The following PAX9 variants were observed in gnomAD, a reference collection of about 807,000 sequenced individuals.
PAX9 encodes paired box protein Pax-9.
A neutral mutation model predicts 29.1 loss-of-function variants in PAX9; 6 were observed. That is an observed-to-expected ratio of 0.21 (90% CI 0.11 to 0.41). PAX9 has a LOEUF of 0.41. PAX9 is among the 10% of genes least tolerant of loss of function. The pLI, the probability that PAX9 is intolerant of heterozygous loss-of-function variation, is 1.00. For missense variants in PAX9, 443 were observed against 479.1 expected, an observed-to-expected ratio of 0.92 and a Z score of 0.70; for synonymous variants, 217 against 211.7, an observed-to-expected ratio of 1.03 and a Z score of -0.22.
At chr14:36,672,834 T>C (rs1011761284) in intron 3 of PAX9, among the ~76,000 whole-genome samples, 3 of 142,488 alleles carry the variant, frequency 2.1e-5, no homozygotes, top group African/African-American at 7.6e-5. Context: ...TTTTTCTTTT[T>C]TCTTTCTTTC....
Position 36,663,284 on chromosome 14 carries a change from T to C in PAX9, c.392T>C (p.Ile131Thr). 6.2e-7 allele frequency: 1 copy of C among 1,614,128 alleles called. No homozygotes were observed. The highest frequency in any genetic ancestry group is 8.5e-7 in the Non-Finnish European group (1 of 1,180,034). ...ATCAGCCGCATTCTGCGCAACAAGATCGGCAACTTGGCCCAGCAGGGTCAT... is the reference window on the plus strand; with the variant it reads ...ATCAGCCGCATTCTGCGCAACAAGACCGGCAACTTGGCCCAGCAGGGTCAT... ...SSISRILRNKIGNLAQQGHYD... is the reference protein window; with the variant it reads ...SSISRILRNKTGNLAQQGHYD... Residue 131 changes from isoleucine (I) to threonine (T), a missense_variant, in exon 2 of 4, where the codon ATC (isoleucine) becomes ACC (threonine). This residue lies in a region of PAX9 where 336 missense variants were observed against 317.2 expected (regional missense o/e 1.06). Coordinates refer to ENST00000361487, the MANE Select transcript of PAX9 (RefSeq NM_001372076.1).
At chr14:36,668,157 T>C (rs1338941097) in intron 3 of PAX9, among the ~76,000 whole-genome samples, 2 of 152,166 alleles carry the variant, frequency 1.3e-5, no homozygotes, top group Non-Finnish European at 2.9e-5. Context: ...TGAGAGACCA[T>C]AGTCAAAAAG....
In PAX9 at chr14:36,678,279, A is replaced by G; in HGVS notation, c.*1827A>G. The stretch of plus-strand genomic sequence containing the variant: ...TAAGCAGATTTCTGACACACAAATT[A>G]TGTTAGAGTGACTGCTTTTTTCAGA... On this transcript the variant is annotated 3_prime_UTR_variant, in exon 4 of 4. Transcript: ENST00000361487. The G allele has an allele frequency of 1.7e-6, 1 of 582,242 alleles. No homozygotes were observed. 36.1% of individuals were successfully genotyped at this position (582,242 alleles called of 1,614,324 possible). A position where few individuals can be genotyped will look rare whatever the true frequency, so the allele number is the denominator to read the frequency against.
intron 3 of PAX9, among the ~76,000 whole-genome samples, chr14:36,674,534 G>T (rs1177046517): frequency 1.3e-5 from 2 of 152,188 alleles, no homozygotes; most frequent in Non-Finnish European, 1.5e-5. Flanking sequence ...AAAAAATGCA[G>T]CAGCATCATT....
At position 36,669,210 on chromosome 14, in the gene PAX9, T is replaced by C. The variant is rs564670240; in HGVS notation, c.771+2609T>C. On this transcript the variant is annotated intron_variant, in intron 3 of 3. Coordinates refer to ENST00000361487, the MANE Select transcript of PAX9 (RefSeq NM_001372076.1). Reference sequence around the variant, plus strand: ...CTGAGCAGTTTTGAACTTTAGACATTGATTTCATGTAAGGTTAAATTGCAC... The same window carrying C: ...CTGAGCAGTTTTGAACTTTAGACATCGATTTCATGTAAGGTTAAATTGCAC... Among the ~76,000 whole-genome samples, 5 of 152,224 alleles carry C rather than the reference T, an allele frequency of 3.3e-5. No homozygotes were observed. In the East Asian group the frequency reaches 9.6e-4, roughly 29 times the overall value.
At chr14:36,662,696 G>A in intron 1 of PAX9, 3 of 638,750 alleles carry the variant, frequency 4.7e-6, no homozygotes, top group South Asian at 2.1e-5. Flanking sequence ...CGGCAGGAAT[G>A]AGGGAGGGGG....
Position 36,663,293 on chromosome 14 carries a change from T to C in PAX9, c.401T>C (p.Leu134Ser). Residue 134 changes from leucine (L) to serine (S), a missense_variant, in exon 2 of 4, where the codon TTG becomes TCG. By Grantham distance (145) the Leu-to-Ser change is moderately radical (BLOSUM62 -2). Transcript: ENST00000361487. ...ATTCTGCGCAACAAGATCGGCAACT[T>C]GGCCCAGCAGGGTCATTACGACTCA... The part of the protein sequence containing the change: ...SRILRNKIGN[L>S]AQQGHYDSYK... 6.2e-7 allele frequency: 1 copy of C among 1,614,138 alleles called. No homozygotes were observed.
At chr14:36,658,375 G>GC (rs59646911), upstream of PAX9, among the ~76,000 whole-genome samples, 2 of 133,828 alleles carry the variant, frequency 1.5e-5, no homozygotes, top group African/African-American at 3.2e-5. Flanking sequence ...GCCTCGCTTG[G>GC]GGGGGGGGGG....
chr14:36,671,470 C>T (rs1330164199), intron 3 of PAX9, among the ~76,000 whole-genome samples: 5 of 144,504 alleles, frequency 3.5e-5, no homozygotes, highest in Non-Finnish European at 5.9e-5. Context: ...ATTTTGCTTG[C>T]TTAAAGTGTA....
chr14:36,663,768 C>G lies in PAX9; in HGVS notation c.631+245C>G, dbSNP rs529627165. Among the ~76,000 whole-genome samples, 4 of 152,350 alleles carry G rather than the reference C, an allele frequency of 2.6e-5. No homozygotes were observed. The East Asian group carries it at 7.7e-4, about 29-fold the overall frequency. On this transcript the variant is annotated intron_variant, in intron 2 of 3. Coordinates refer to ENST00000361487, the MANE Select transcript of PAX9 (RefSeq NM_001372076.1). ...AACTACCAGACCCATAACATCCCCCCATCCCCAACACATGGTTCGCATTTT... is the reference window on the plus strand; with the variant it reads ...AACTACCAGACCCATAACATCCCCCGATCCCCAACACATGGTTCGCATTTT...
chr14:36,666,953 G>A (rs1362392391), intron 3 of PAX9, among the ~76,000 whole-genome samples: 4 of 152,304 alleles, frequency 2.6e-5, no homozygotes, highest in African/African-American at 9.6e-5. Context: ...CTCGTTGGGG[G>A]TAGAGTTAAC....
rs374534090 is a variant in PAX9 at position 36,663,506 on chromosome 14, G to A, written c.614G>A (p.Arg205His). 4.9e-5 allele frequency: 79 copies of A among 1,612,898 alleles called. No homozygotes were observed. The highest frequency in any genetic ancestry group is 6.4e-5 in the Non-Finnish European group (76 of 1,179,904). ...SHSVTDILGI[R>H]SITDQVSDSS... ...TCCGTCACCGACATCCTGGGCATCC[G>A]CTCCATCACCGACCAAGGTAGGGGC... The change falls in exon 2 of 4, where the codon CGC becomes CAC. Residue 205 changes from arginine to histidine, a missense_variant. By Grantham distance (29) the Arg-to-His change is conservative. Coordinates refer to ENST00000361487, the MANE Select transcript of PAX9 (RefSeq NM_001372076.1).
At chr14:36,675,205 T>A (rs904741188) in intron 3 of PAX9, among the ~76,000 whole-genome samples, 1 of 152,062 alleles carries the variant, frequency 6.6e-6, no homozygotes, top group Non-Finnish European at 1.5e-5. Flanking sequence ...TTCTAAAGAG[T>A]ATAAAAATTG....
In PAX9 at chr14:36,677,655, A is replaced by ACAT. The variant is rs1881960998; in HGVS notation, c.*1203_*1204insCAT. 1 of 152,210 alleles carries ACAT rather than the reference A, an allele frequency of 6.6e-6. No homozygotes were observed. The highest frequency in any genetic ancestry group is 1.5e-5 in the Non-Finnish European group (1 of 68,042). The allele number at this position is 152,210 out of a possible 1,614,324, so 9.4% of individuals were successfully genotyped here. Reference sequence around the variant, plus strand: ...TGGAAAATTCTGCTCTAATGAATGTAACAATGGCTTGCTGTGAAGTTTACA... The same window carrying ACAT: ...TGGAAAATTCTGCTCTAATGAATGTACATACAATGGCTTGCTGTGAAGTTTACA... On this transcript the variant is annotated 3_prime_UTR_variant, in exon 4 of 4. Coordinates refer to ENST00000361487, the MANE Select transcript of PAX9 (RefSeq NM_001372076.1).
At chr14:36,661,804 G>A, upstream of PAX9, 1 of 525,110 alleles carries the variant, frequency 1.9e-6, no homozygotes, top group African/African-American at 2.0e-5. Context: ...CCTCGGACCC[G>A]CCCCTTTTAG....
chr14:36,658,601 G>A (rs1298152430), upstream of PAX9: 1 of 152,278 alleles, frequency 6.6e-6, no homozygotes, highest in Non-Finnish European at 1.5e-5. Flanking sequence ...ATACAGGGAG[G>A]GGTCCTCGCG....
At chr14:36,659,815 T>G (rs1191234272), upstream of PAX9, among the ~76,000 whole-genome samples, 1 of 152,154 alleles carries the variant, frequency 6.6e-6, no homozygotes, top group African/African-American at 2.4e-5. Flanking sequence ...GTATGTTACC[T>G]CCATATAACC....
chr14:36,668,353 AG>A (rs200768002), intron 3 of PAX9, among the ~76,000 whole-genome samples: 1,797 of 137,836 alleles, frequency 0.013, 44 homozygotes, highest in African/African-American at 0.044. Flanking sequence ...TTATATATCA[AG>A]CAGTCATAAT....
At chr14:36,676,102 G>C (rs1317392435) in intron 3 of PAX9, 96 bp from the exon 4 acceptor site, 1 of 1,315,466 alleles carries the variant, frequency 7.6e-7, no homozygotes, top group Non-Finnish European at 1.1e-6. Context: ...AGCATTGCTG[G>C]CTTACTCAGA....
Sources: allele counts gnomAD v4.1 joint callset (sites outside exome capture counted in the v4.1 genomes callset), GRCh38; gene constraint gnomAD v4.1.1; regional missense constraint gnomAD v4.1.1; transcripts MANE v1.5; gene names NCBI Gene and HGNC (gene_info 2026-07-23, HGNC 2026-07-21).